DNAH5: variants seen among roughly 807,000 people sequenced by gnomAD.
The protein encoded by DNAH5 is axonemal beta dynein heavy chain 5.
A neutral mutation model predicts 518.2 loss-of-function variants in DNAH5; 372 were observed. That is an observed-to-expected ratio of 0.72 (90% CI 0.66 to 0.78). The LOEUF (loss-of-function observed/expected upper bound fraction) is 0.78. Among genes scored for constraint, DNAH5 ranks in the 30% least tolerant of loss-of-function variants. The probability of loss-of-function intolerance (pLI) is 0.00; values close to 1 mark genes in which losing one functional copy is unlikely to be tolerated. For missense variants in DNAH5, 5,523 were observed against 5,687.0 expected, an observed-to-expected ratio of 0.97 and a Z score of 0.93; for synonymous variants, 2,039 against 2,025.9, an observed-to-expected ratio of 1.01 and a Z score of -0.17.
intron 1 of DNAH5, among the ~76,000 whole-genome samples, chr5:14,008,942 G>A (rs1017561999): frequency 2.0e-5 from 3 of 152,340 alleles, no homozygotes; most frequent in Admixed American, 2.0e-4. Context: ...GCCATGGGCC[G>A]GGCCTGCCCC....
chr5:13,858,783 C>T (rs565943171), intron 30 of DNAH5, among the ~76,000 whole-genome samples: 9 of 152,182 alleles, frequency 5.9e-5, no homozygotes, highest in African/African-American at 1.7e-4. Context: ...GTGATGAAAA[C>T]ATTTAAAATA....
intron 46 of DNAH5, 32 bp from the exon 47 acceptor site, chr5:13,807,757 T>C (rs1759863707): frequency 1.3e-6 from 2 of 1,570,688 alleles, no homozygotes; most frequent in South Asian, 1.2e-5. Flanking sequence ...AAAAAAGAAA[T>C]GAAATAAATG....
intron 47 of DNAH5, among the ~76,000 whole-genome samples, chr5:13,800,112 CTG>C (rs1394984590): frequency 5.3e-5 from 8 of 152,230 alleles, no homozygotes; most frequent in South Asian, 2.1e-4. Flanking sequence ...GCTGAATAAA[CTG>C]TGTGTTGTGC....
intron 65 of DNAH5, 145 bp downstream of exon 65, chr5:13,750,933 G>A: frequency 1.1e-6 from 1 of 915,578 alleles, no homozygotes; most frequent in Non-Finnish European, 1.7e-6. Flanking sequence ...AGGAAAAAAA[G>A]AAAACACTTG....
intron 65 of DNAH5, among the ~76,000 whole-genome samples, chr5:13,744,065 A>G (rs1309055329): frequency 6.6e-6 from 1 of 152,112 alleles, no homozygotes; most frequent in Non-Finnish European, 1.5e-5. Context: ...ACAATTGACA[A>G]GATATGGAAT....
chr5:13,924,972 C>T (rs778783555), intron 3 of DNAH5, among the ~76,000 whole-genome samples: 3 of 152,066 alleles, frequency 2.0e-5, no homozygotes, highest in Non-Finnish European at 4.4e-5. Context: ...GGGAGGATGG[C>T]GCTAATGGTG....
chr5:13,871,686 A>G lies in DNAH5; in HGVS notation c.3476T>C (p.Phe1159Ser). The change falls in exon 23 of 79, where the codon TTT (phenylalanine) becomes TCT (serine). Residue 1159 changes from phenylalanine to serine, a missense_variant. Transcript: ENST00000265104. ...QKGKEEAIKT[F>S]ITQSPLLSEF... ...AGAAAGCAAGGGGCTCTGTGTAATA[A>G]ATGTCTTAATGGCTTCTTCTTTTCC... 6.2e-7 allele frequency: 1 copy of G among 1,613,828 alleles called. No individual in the cohort carries two copies. The highest frequency in any genetic ancestry group is 8.5e-7 in the Non-Finnish European group (1 of 1,179,822).
rs150365196 is a variant in DNAH5, at chr5:14,010,642, A to G, written c.12+1006T>C. Among the ~76,000 whole-genome samples, 1,035 of 152,310 alleles carry G rather than the reference A, an allele frequency of 6.8e-3. 15 individuals are homozygous for G. The highest frequency in any genetic ancestry group is 0.024 in the African/African-American group (989 of 41,558). On this transcript the variant is annotated intron_variant, in intron 1 of 78. Transcript: ENST00000681290. ...TCAATAAACACAAAATATAGTGAAA[A>G]TTCCAAGTATTTATGACATAAATTA...
chr5:13,751,144 G>C lies in DNAH5; in HGVS notation c.11145C>G (p.Asp3715Glu). 1 of 1,614,038 alleles carries C rather than the reference G, an allele frequency of 6.2e-7. No homozygotes were observed. Among genetic ancestry groups the C allele is most frequent in the Admixed American group, 1.7e-5 (1 of 59,994 alleles). Residue 3715 changes from aspartate to glutamate, a missense_variant, in exon 65 of 79, where the codon GAC (aspartate) becomes GAG (glutamate). By Grantham distance (45) the Asp-to-Glu change is conservative. Coordinates refer to ENST00000265104, the MANE Select transcript of DNAH5 (RefSeq NM_001369.3). ...PEISARTSII[D>E]FTVTMKGLED... ...CTAGACCTTTCATGGTGACAGTGAAGTCAATGATGGAGGTACGGGCACTTA... is the reference window on the plus strand; with the variant it reads ...CTAGACCTTTCATGGTGACAGTGAACTCAATGATGGAGGTACGGGCACTTA...
Position 13,913,742 on chromosome 5 carries a change from C to A in DNAH5, c.1536+1G>T. ...TAAAATATAGCTTTAAAGTACAATA[C>A]CTGGTATTTAGTGGCCATGTCTTCC... On this transcript the variant is annotated splice_donor_variant, in intron 11 of 78. Transcript: ENST00000265104. LOFTEE classifies it high-confidence loss of function. 1 of 1,613,134 alleles carries A rather than the reference C, an allele frequency of 6.2e-7. No individual in the cohort carries two copies. The highest frequency in any genetic ancestry group is 1.1e-5 in the South Asian group (1 of 91,056).
intron 78 of DNAH5, among the ~76,000 whole-genome samples, chr5:13,699,728 A>G (rs1010736199): frequency 6.6e-6 from 1 of 152,204 alleles, no homozygotes; most frequent in African/African-American, 2.4e-5. Context: ...AAATAAATAA[A>G]TAAATACTTG....
intron 1 of DNAH5, among the ~76,000 whole-genome samples, chr5:13,932,722 T>C (rs4702001): frequency 0.66 from 99,945 of 152,110 alleles, 33,726 homozygotes; most frequent in African/African-American, 0.81. Context: ...AGTAGGCTGG[T>C]GTGATGCATG....
At chr5:13,815,784 TC>T (rs1369669941) in intron 42 of DNAH5, among the ~76,000 whole-genome samples, 1 of 152,122 alleles carries the variant, frequency 6.6e-6, no homozygotes, top group South Asian at 2.1e-4. Context: ...CCAACAGAGA[TC>T]CTCGTAGAGT....
intron 74 of DNAH5, 140 bp downstream of exon 74, chr5:13,716,347 G>A (rs1457572092): frequency 4.4e-6 from 3 of 683,198 alleles, no homozygotes. Flanking sequence ...AAAATATGAA[G>A]AAAGCCTTCA....
intron 69 of DNAH5, among the ~76,000 whole-genome samples, chr5:13,728,773 C>A (rs1409567617): frequency 6.6e-6 from 1 of 152,188 alleles, no homozygotes; most frequent in East Asian, 1.9e-4. Context: ...GATAAAGCCA[C>A]CCTGCTGCCA....
chr5:13,921,630 G>A (rs1777302373), intron 5 of DNAH5, among the ~76,000 whole-genome samples: 1 of 151,326 alleles, frequency 6.6e-6, no homozygotes, highest in African/African-American at 2.4e-5. Flanking sequence ...ATTCTTAAAG[G>A]CCCTTTTGAT....
intron 22 of DNAH5, 67 bp from the exon 23 acceptor site, chr5:13,871,832 A>G: frequency 7.5e-7 from 1 of 1,341,142 alleles, no homozygotes; most frequent in Non-Finnish European, 1.1e-6. Flanking sequence ...ATAAGTGAAT[A>G]TTTACCAACT....
In DNAH5 at chr5:13,814,691, T is replaced by C; in HGVS notation, c.7144A>G (p.Ile2382Val). Residue 2382 changes from isoleucine (I) to valine (V), a missense_variant, in exon 43 of 79, where the codon ATT becomes GTT. Physicochemically the swap from Ile to Val is conservative, Grantham distance 29 (BLOSUM62 3). Coordinates refer to ENST00000265104, the MANE Select transcript of DNAH5 (RefSeq NM_001369.3). ...ACGGTGGCAGGAGAAGCATTGTCAA[T>C]GTTATGAGGCTCGAAAATGATCTTG... is the stretch of plus-strand genomic sequence containing the variant. ...NCKIIFEPHN[I>V]DNASPATVSR... 1 of 1,614,070 alleles carries C rather than the reference T, an allele frequency of 6.2e-7. No individual in the cohort carries two copies. The highest frequency in any genetic ancestry group is 1.7e-5 in the Admixed American group (1 of 60,020).
In DNAH5 at chr5:13,833,304, C is replaced by T. The variant is rs1007304480; in HGVS notation, c.5883-2529G>A. Among the ~76,000 whole-genome samples, 10 of 151,850 alleles carry T rather than the reference C, an allele frequency of 6.6e-5. No individual in the cohort carries two copies. The South Asian group carries it at 1.7e-3, about 25-fold the overall frequency. On this transcript the variant is annotated intron_variant, in intron 35 of 78. Coordinates refer to ENST00000265104, the MANE Select transcript of DNAH5 (RefSeq NM_001369.3). ...AAATACAAAAATTAGCTGGATGTGGCGGCACACGCCTGTAATCCAAGCTAC... is the reference window on the plus strand; with the variant it reads ...AAATACAAAAATTAGCTGGATGTGGTGGCACACGCCTGTAATCCAAGCTAC...
Sources: gnomAD v4.1 joint callset for allele counts (sites outside exome capture counted in the v4.1 genomes callset) on GRCh38, gnomAD v4.1.1 for gene constraint, MANE v1.5 for transcripts, NCBI Gene and HGNC (gene_info 2026-07-23, HGNC 2026-07-21) for gene names.